The following AP3S1 variants were observed in gnomAD, a reference collection of about 807,000 sequenced individuals.
AP3S1 encodes adaptor related protein complex 3 subunit sigma 1, also known as AP-3 complex subunit sigma-1.
Under a neutral mutation model 21.3 loss-of-function variants are expected in AP3S1, and 12 were observed. The ratio of observed to expected loss-of-function variants is 0.56; its 90% confidence interval spans 0.36 to 0.91. The LOEUF is 0.91. Among genes scored for constraint, AP3S1 ranks in the 40% least tolerant of loss-of-function variants. The pLI is 0.01. For missense variants in AP3S1, 116 were observed against 225.0 expected (o/e 0.52, Z 3.10); for synonymous variants, 48 against 78.4 (o/e 0.61, Z 2.05).
intron 5 of AP3S1, chr5:115,903,719 T>G (rs191342619): frequency 6.6e-6 from 1 of 152,240 alleles, no homozygotes; most frequent in African/African-American, 2.4e-5. Context: ...ACTTCAGAAT[T>G]GTAGTGACTC....
chr5:115,850,569 A>G (rs1207441396), intron 1 of AP3S1, among the ~76,000 whole-genome samples: 6 of 152,172 alleles, frequency 3.9e-5, no homozygotes, highest in South Asian at 2.1e-4. Flanking sequence ...TTGTGTCTCT[A>G]TGAATTTGAC....
At chr5:115,912,519 A>G (rs1444002804) in intron 5 of AP3S1, among the ~76,000 whole-genome samples, 1 of 152,072 alleles carries the variant, frequency 6.6e-6, no homozygotes, top group Non-Finnish European at 1.5e-5. Flanking sequence ...GTTCCTACTA[A>G]TAGGAAAGCC....
intron 5 of AP3S1, among the ~76,000 whole-genome samples, chr5:115,912,914 C>T (rs986890454): frequency 6.6e-6 from 1 of 152,024 alleles, no homozygotes; most frequent in Non-Finnish European, 1.5e-5. Flanking sequence ...CAAGCACAAT[C>T]TATTACTTGC....
intron 5 of AP3S1, among the ~76,000 whole-genome samples, chr5:115,912,347 G>T (rs1035034353): frequency 6.6e-6 from 1 of 151,898 alleles, no homozygotes; most frequent in Non-Finnish European, 1.5e-5. Context: ...TGTTGACTTT[G>T]CTTTATTATA....
Position 115,913,651 on chromosome 5 carries a change from C to T in AP3S1, c.*161C>T. 6 of 1,209,508 alleles carry T rather than the reference C, an allele frequency of 5.0e-6. No individual in the cohort carries two copies. Among genetic ancestry groups the T allele is most frequent in the Non-Finnish European group, 6.7e-6 (6 of 889,608 alleles). The allele number at this position is 1,209,508 out of a possible 1,614,324, so 74.9% of individuals were successfully genotyped here. A position where few individuals can be genotyped will look rare whatever the true frequency, so the allele number is the denominator to read the frequency against. On this transcript the variant is annotated 3_prime_UTR_variant, in exon 6 of 6. Transcript: ENST00000316788. ...GTTGTGTAAAATCAGTATGAAAGTT[C>T]AATGTTGCTGTTCTTGCTCAGTGAT...
intron 1 of AP3S1, 139 bp downstream of exon 1, chr5:115,842,245 G>A (rs1486319578): frequency 6.1e-6 from 8 of 1,317,366 alleles, no homozygotes; most frequent in Non-Finnish European, 8.0e-6. Context: ...CTCGCCAGCT[G>A]TCAGCCTCCT....
chr5:115,864,622 G>T (rs13157716), intron 1 of AP3S1, among the ~76,000 whole-genome samples: 16,657 of 152,190 alleles, frequency 0.11, 1,632 homozygotes, highest in East Asian at 0.33. Flanking sequence ...GAAGAAAACC[G>T]TGTCTATATG....
intron 3 of AP3S1, among the ~76,000 whole-genome samples, chr5:115,878,309 T>C (rs962063813): frequency 2.0e-5 from 3 of 152,240 alleles, no homozygotes; most frequent in African/African-American, 7.2e-5. Context: ...GCCTAGGTTT[T>C]CTTCTAGGGT....
chr5:115,887,289 A>G (rs1429244450), intron 3 of AP3S1, among the ~76,000 whole-genome samples: 1 of 152,098 alleles, frequency 6.6e-6, no homozygotes, highest in Non-Finnish European at 1.5e-5. Flanking sequence ...GCTTCAGCAT[A>G]TTAGTATCCT....
chr5:115,847,877 A>G (rs1007204715), intron 1 of AP3S1, among the ~76,000 whole-genome samples: 8 of 152,214 alleles, frequency 5.3e-5, no homozygotes, highest in African/African-American at 4.8e-5. Context: ...CTGTGTCACA[A>G]TAGATCTTAA....
intron 1 of AP3S1, among the ~76,000 whole-genome samples, chr5:115,862,881 G>A (rs77385498): frequency 0.032 from 4,817 of 152,282 alleles, 275 homozygotes; most frequent in African/African-American, 0.11. Flanking sequence ...AGAAAAAGTT[G>A]AATTGCTTGT....
chr5:115,843,283 A>G (rs114157614), intron 1 of AP3S1, among the ~76,000 whole-genome samples: 25 of 152,390 alleles, frequency 1.6e-4, no homozygotes, highest in African/African-American at 5.3e-4. Flanking sequence ...ATGGAAATCA[A>G]TCTTGCCATT....
chr5:115,849,157 G>T (rs1255624651), intron 1 of AP3S1, among the ~76,000 whole-genome samples: 2 of 152,212 alleles, frequency 1.3e-5, no homozygotes, highest in Non-Finnish European at 2.9e-5. Flanking sequence ...AAGTAAGACG[G>T]ATGTCACCCT....
chr5:115,903,264 T>C (rs1405519333), intron 5 of AP3S1: 3 of 226,900 alleles, frequency 1.3e-5, no homozygotes, highest in Non-Finnish European at 2.6e-5. Flanking sequence ...AAAAGAATTA[T>C]CTGAATAATG....
intron 3 of AP3S1, among the ~76,000 whole-genome samples, chr5:115,878,408 T>G (rs1176149750): frequency 6.6e-6 from 1 of 151,298 alleles, no homozygotes; most frequent in Non-Finnish European, 1.5e-5. Flanking sequence ...CGCTTTCAGT[T>G]TTCTGCATAT....
intron 1 of AP3S1, among the ~76,000 whole-genome samples, chr5:115,853,610 C>T (rs1056174246): frequency 1.3e-5 from 2 of 152,106 alleles, no homozygotes; most frequent in Non-Finnish European, 2.9e-5. Context: ...ATACCTAGGT[C>T]TGTGGTCCAT....
At chr5:115,869,177 T>C (rs886689471) in intron 2 of AP3S1, among the ~76,000 whole-genome samples, 2 of 152,206 alleles carry the variant, frequency 1.3e-5, no homozygotes, top group Non-Finnish European at 2.9e-5. Context: ...TTATTATTTC[T>C]AAAATACTAA....
intron 3 of AP3S1, among the ~76,000 whole-genome samples, chr5:115,881,367 T>A (rs1428120132): frequency 6.6e-6 from 1 of 152,220 alleles, no homozygotes; most frequent in Non-Finnish European, 1.5e-5. Context: ...TAGTGCTTCC[T>A]TCAGGAGCTC....
chr5:115,897,854 G>T (rs1750888581), intron 4 of AP3S1, among the ~76,000 whole-genome samples: 1 of 151,980 alleles, frequency 6.6e-6, no homozygotes, highest in African/African-American at 2.4e-5. Context: ...GAGCCACCAC[G>T]CCCGGCCACA....
Sources: allele counts gnomAD v4.1 joint callset (sites outside exome capture counted in the v4.1 genomes callset), GRCh38; gene constraint gnomAD v4.1.1; transcripts MANE v1.5; gene names NCBI Gene and HGNC (gene_info 2026-07-23, HGNC 2026-07-21).